Variants in CCDC86 observed in about 807,000 individuals in gnomAD.
The protein encoded by CCDC86 is coiled-coil domain-containing protein 86.
In CCDC86, 28 loss-of-function variants were observed where a neutral mutation model predicts 36.7. The observed-to-expected ratio is 0.76, with a 90% CI of 0.57 to 1.05. The LOEUF is 1.05. CCDC86 is among the 50% of genes least tolerant of loss of function. CCDC86 has a pLI of 0.00. For synonymous variants in CCDC86, 199 were observed against 203.4 expected, an observed-to-expected ratio of 0.98 and a Z score of 0.18; for missense variants, 453 against 470.2, an observed-to-expected ratio of 0.96 and a Z score of 0.34.
At chr11:60,846,861 A>G (rs534008405) in intron 1 of CCDC86, among the ~76,000 whole-genome samples, 1 of 147,838 alleles carries the variant, frequency 6.8e-6, no homozygotes, top group South Asian at 2.2e-4. Context: ...GGCGTGAGCC[A>G]CTGCGCCCGG....
chr11:60,842,614 T>TAC lies in CCDC86; in HGVS notation c.491_492dup (p.Pro165ThrfsTer18). The TAC allele has an allele frequency of 6.2e-7, 1 of 1,613,594 alleles. No individual in the cohort carries two copies. Among genetic ancestry groups the TAC allele is most frequent in the African/African-American group, 1.3e-5 (1 of 75,030 alleles). The stretch of plus-strand genomic sequence containing the variant: ...GCCGGTCCCAGGATCACCAGAGCCT[T>TAC]ACCCCGGTCAGCAAGCTCCCGGTCC... On this transcript the variant is annotated frameshift_variant, in exon 1 of 4. Coordinates refer to ENST00000227520, the MANE Select transcript of CCDC86 (RefSeq NM_024098.4). LOFTEE classifies it high-confidence loss of function.
chr11:60,846,231 TG>T (rs1855180385), intron 1 of CCDC86, among the ~76,000 whole-genome samples: 1 of 152,156 alleles, frequency 6.6e-6, no homozygotes, highest in South Asian at 2.1e-4. Flanking sequence ...TTTACAGTTA[TG>T]GGGGAAGTCC....
In CCDC86 at chr11:60,847,985, C is replaced by T. The variant is rs749492752; in HGVS notation, c.820C>T (p.Arg274Ter). Residue 274 changes from arginine (R) to a stop codon, truncating the protein, a stop_gained, in exon 2 of 4, where the codon CGA becomes TGA. Transcript: ENST00000227520. LOFTEE classifies it high-confidence loss of function. ...ATCGTGGCAGCGGAAGATGAAGGAA[C>T]GACAGGAGAGGAAGCTGGCCAAGGA... Reference protein sequence around the residue: ...RTSWQRKMKERQERKLAKDFA... With the variant: ...RTSWQRKMKE 5.6e-6 allele frequency: 9 copies of T among 1,613,500 alleles called. No homozygotes were observed. The East Asian group carries it at 6.7e-5, about 12-fold the overall frequency.
Position 60,849,957 on chromosome 11 carries a change from G to T in CCDC86, c.906G>T (p.Arg302=), listed in dbSNP as rs1442962351. 6.2e-7 allele frequency: 1 copy of T among 1,613,992 alleles called. No individual in the cohort carries two copies. Among genetic ancestry groups the T allele is most frequent in the African/African-American group, 1.3e-5 (1 of 74,914 alleles). The change falls in exon 3 of 4, where the codon CGG becomes CGT. Residue 302 remains arginine, a synonymous_variant. Coordinates refer to ENST00000227520, the MANE Select transcript of CCDC86 (RefSeq NM_024098.4). ...ERRRQEKKQR[R]AENLKRRLEN... is the part of the protein sequence containing the mutation. The stretch of plus-strand genomic sequence containing the variant: ...TGTTCCAGGAGAAGAAACAGCGCCG[G>T]GCTGAGAACCTGAAACGCCGCCTGG...
intron 2 of CCDC86, among the ~76,000 whole-genome samples, chr11:60,849,225 T>C (rs1855222607): frequency 1.3e-5 from 2 of 152,160 alleles, no homozygotes; most frequent in Non-Finnish European, 2.9e-5. Context: ...CAAGACAGAC[T>C]CCATCTAGAG....
At chr11:60,850,090 T>C (rs1429247918) in intron 3 of CCDC86, 76 bp downstream of exon 3, 3 of 1,605,470 alleles carry the variant, frequency 1.9e-6, no homozygotes, top group African/African-American at 1.3e-5. Context: ...CCCTGCCTCA[T>C]GTACCCCCAC....
At position 60,850,469 on chromosome 11, in the gene CCDC86, G is replaced by A. The variant is rs493176; in HGVS notation, c.*144G>A. Reference sequence around the variant, plus strand: ...ACCCCCACCCCGACCGGGGCTCCTCGGCCTTTGAAGGCTTCCAGGCAGGTC... The same window carrying A: ...ACCCCCACCCCGACCGGGGCTCCTCAGCCTTTGAAGGCTTCCAGGCAGGTC... On this transcript the variant is annotated 3_prime_UTR_variant, in exon 4 of 4. Transcript: ENST00000227520. 0.61 allele frequency: 680,442 copies of A among 1,111,636 alleles called. 209,792 individuals are homozygous for A. Among genetic ancestry groups the A allele is most frequent in the East Asian group, 0.93 (35,612 of 38,392 alleles). 68.9% of individuals were successfully genotyped at this position (1,111,636 alleles called of 1,614,324 possible).
intron 1 of CCDC86, among the ~76,000 whole-genome samples, chr11:60,847,106 C>T (rs1220219914): frequency 1.4e-5 from 2 of 148,030 alleles, no homozygotes; most frequent in Non-Finnish European, 3.0e-5. Flanking sequence ...TTTTTTGAGA[C>T]AGAGTCTTGC....
chr11:60,845,393 G>A lies in CCDC86; in HGVS notation c.758+2511G>A, dbSNP rs547891499. ...TACTGAACACAGACATAGGCGGGCAGGGGTGAAGGCAGGAAAACCCACAAG... is the reference window on the plus strand; with the variant it reads ...TACTGAACACAGACATAGGCGGGCAAGGGTGAAGGCAGGAAAACCCACAAG... On this transcript the variant is annotated intron_variant, in intron 1 of 3. Transcript: ENST00000227520. 7.9e-5 allele frequency among the ~76,000 whole-genome samples: 12 copies of A among 152,356 alleles called. No homozygotes were observed. In the South Asian group the frequency reaches 2.5e-3, roughly 32 times the overall value.
chr11:60,844,812 C>T (rs989224294), intron 1 of CCDC86, among the ~76,000 whole-genome samples: 9 of 152,204 alleles, frequency 5.9e-5, no homozygotes, highest in Admixed American at 5.2e-4. Context: ...GGGCACTAAG[C>T]TGAACAAGTG....
Position 60,842,295 on chromosome 11 carries a change from G to A in CCDC86, c.171G>A (p.Gly57=). Residue 57 remains glycine (G), a synonymous_variant, in exon 1 of 4, where the codon GGG becomes GGA. Coordinates refer to ENST00000227520, the MANE Select transcript of CCDC86 (RefSeq NM_024098.4). ...CGAGTGTGCAGCGGGCTGGCCTGGG[G>A]TCCCCCGAAAGGCCGCCGAAGACAA... The part of the protein sequence containing the change: ...SPPSVQRAGL[G]SPERPPKTSP... The A allele has an allele frequency of 1.2e-6, 2 of 1,613,578 alleles. No homozygotes were observed. Among genetic ancestry groups the A allele is most frequent in the South Asian group, 2.2e-5 (2 of 91,072 alleles).
At chr11:60,849,076 C>T (rs1167963016) in intron 2 of CCDC86, among the ~76,000 whole-genome samples, 1 of 152,102 alleles carries the variant, frequency 6.6e-6, no homozygotes, top group Non-Finnish European at 1.5e-5. Context: ...CCCCAGGGGC[C>T]TGGGCCACCC....
At position 60,850,362 on chromosome 11, in the gene CCDC86, C is replaced by T. The variant is rs772225825; in HGVS notation, c.*37C>T. 9 of 1,606,628 alleles carry T rather than the reference C, an allele frequency of 5.6e-6. No homozygotes were observed. The South Asian group carries it at 6.6e-5, about 12-fold the overall frequency. On this transcript the variant is annotated 3_prime_UTR_variant, in exon 4 of 4. Transcript: ENST00000227520. ...CCCGAGGCCTTCCATGGCCAACAAC[C>T]ATGTCAGACACAGCACCTCAGGCCG... is the stretch of plus-strand genomic sequence containing the variant.
chr11:60,842,212 C>T lies in CCDC86; in HGVS notation c.88C>T (p.Arg30Trp), dbSNP rs1855127044. ...ESLTSVSRTR[R>W]ALVEFESNPE... ...CCTCACCTCAGTTTCGCGGACGAGA[C>T]GGGCCCTTGTGGAGTTCGAGTCGAA... The change falls in exon 1 of 4, where the codon CGG (arginine) becomes TGG (tryptophan). Residue 30 changes from arginine (R) to tryptophan (W), a missense_variant. Arg to Trp is a moderately radical substitution (Grantham distance 101). Coordinates refer to ENST00000227520, the MANE Select transcript of CCDC86 (RefSeq NM_024098.4). 3 of 1,613,368 alleles carry T rather than the reference C, an allele frequency of 1.9e-6. No individual in the cohort carries two copies. Among genetic ancestry groups the T allele is most frequent in the Non-Finnish European group, 1.7e-6 (2 of 1,179,880 alleles).
rs1461299028 is a variant in CCDC86 at position 60,850,093 on chromosome 11, AC to A, written c.963+84del. ...CAGGGCCTCGACCCCTGCCTCATGT[AC>A]CCCCACTCTCATGCTACGATCTCAG... is the stretch of plus-strand genomic sequence containing the variant. On this transcript the variant is annotated intron_variant, in intron 3 of 3. Transcript: ENST00000227520. 3.1e-6 allele frequency: 5 copies of A among 1,603,134 alleles called. No individual in the cohort carries two copies. In the East Asian group the frequency reaches 6.7e-5, roughly 22 times the overall value.
intron 2 of CCDC86, 117 bp downstream of exon 2, chr11:60,848,170 C>T (rs1442297158): frequency 1.3e-5 from 17 of 1,322,790 alleles, no homozygotes; most frequent in Admixed American, 8.0e-5. Flanking sequence ...GGTTAAAAAA[C>T]GTTCTTGAAT....
In CCDC86 at chr11:60,842,353, G is replaced by T. The variant is rs750749068; in HGVS notation, c.229G>T (p.Gly77Cys). 12 of 1,613,734 alleles carry T rather than the reference G, an allele frequency of 7.4e-6. No homozygotes were observed. In the South Asian group the frequency reaches 1.3e-4, roughly 18 times the overall value. Reference protein sequence around the residue: ...PGSPRLQQGAGLESPQGQPEP... With the variant: ...PGSPRLQQGACLESPQGQPEP... ...ATCACCCCGTCTGCAGCAGGGTGCA[G>T]GCTTGGAGTCACCCCAAGGGCAGCC... The change falls in exon 1 of 4, where the codon GGC (glycine) becomes TGC (cysteine). Residue 77 changes from glycine to cysteine, a missense_variant. Gly to Cys is a radical substitution (Grantham distance 159). Transcript: ENST00000227520.
Position 60,842,353 on chromosome 11 carries a change from G to A in CCDC86, c.229G>A (p.Gly77Ser). Residue 77 changes from glycine (G) to serine (S), a missense_variant, in exon 1 of 4, where the codon GGC becomes AGC. Transcript: ENST00000227520. ...PGSPRLQQGA[G>S]LESPQGQPEP... ...ATCACCCCGTCTGCAGCAGGGTGCA[G>A]GCTTGGAGTCACCCCAAGGGCAGCC... 2 of 1,613,852 alleles carry A rather than the reference G, an allele frequency of 1.2e-6. No individual in the cohort carries two copies. The highest frequency in any genetic ancestry group is 1.7e-6 in the Non-Finnish European group (2 of 1,179,976).
intron 1 of CCDC86, among the ~76,000 whole-genome samples, chr11:60,846,262 G>A (rs897686253): frequency 2.6e-5 from 4 of 152,160 alleles, no homozygotes; most frequent in African/African-American, 7.2e-5. Flanking sequence ...CCCATTCTTA[G>A]TGCTTAGGAG....
Sources: gnomAD v4.1 joint callset for allele counts (sites outside exome capture counted in the v4.1 genomes callset) on GRCh38, gnomAD v4.1.1 for gene constraint, MANE v1.5 for transcripts, NCBI Gene and HGNC (gene_info 2026-07-23, HGNC 2026-07-21) for gene names.